CUX1: variants seen among roughly 807,000 people sequenced by gnomAD.
The protein encoded by CUX1 is protein CASP.
A neutral mutation model predicts 158.8 loss-of-function variants in CUX1; 31 were observed. That is an observed-to-expected ratio of 0.20 (90% CI 0.15 to 0.26). CUX1 has a LOEUF of 0.26. Ranked by LOEUF, CUX1 falls within the 10% of genes least tolerant of loss-of-function variation. CUX1 has a pLI of 1.00. For synonymous variants in CUX1, 879 were observed against 862.1 expected (o/e 1.02, Z -0.34); for missense variants, 1,589 against 2,014.6 (o/e 0.79, Z 4.04).
chr7:101,951,334 A>C (rs1031450873), intron 2 of CUX1, among the ~76,000 whole-genome samples: 1 of 152,064 alleles, frequency 6.6e-6, no homozygotes, highest in Admixed American at 6.5e-5. Context: ...CTGTCTCAAA[A>C]AAAAAAAAAA....
In CUX1 at chr7:102,255,452, A is replaced by G; in HGVS notation, c.*6410A>G. Reference sequence around the variant, plus strand: ...GACATTTGGCTATGCATAAATGTGCACTTCCCCCATGCCCCCGTTCTTAAA... The same window carrying G: ...GACATTTGGCTATGCATAAATGTGCGCTTCCCCCATGCCCCCGTTCTTAAA... On this transcript the variant is annotated 3_prime_UTR_variant, in exon 24 of 24. Coordinates refer to ENST00000292535, the MANE Select transcript of CUX1 (RefSeq NM_181552.4). The G allele has an allele frequency of 1.0e-6, 1 of 984,902 alleles. No individual in the cohort carries two copies. Among genetic ancestry groups the G allele is most frequent in the Non-Finnish European group, 1.2e-6 (1 of 829,852 alleles). The allele number at this position is 984,902 out of a possible 1,614,324, so 61.0% of individuals were successfully genotyped here.
intron 2 of CUX1, among the ~76,000 whole-genome samples, chr7:102,007,256 C>T (rs1340051782): frequency 6.6e-6 from 1 of 152,186 alleles, no homozygotes; most frequent in Non-Finnish European, 1.5e-5. Context: ...ATGGCCCTCT[C>T]TGACTTTGAA....
chr7:101,860,328 C>T (rs1281113271), intron 1 of CUX1, among the ~76,000 whole-genome samples: 2 of 152,210 alleles, frequency 1.3e-5, no homozygotes, highest in East Asian at 3.8e-4. Flanking sequence ...CCCCTGCCTA[C>T]TCCTGGAATT....
At chr7:101,823,412 A>C (rs1249296716) in intron 1 of CUX1, among the ~76,000 whole-genome samples, 3 of 152,250 alleles carry the variant, frequency 2.0e-5, no homozygotes, top group African/African-American at 7.2e-5. Context: ...ACCTTTGTGA[A>C]AATGAGCCCA....
chr7:102,138,006 T>G (rs1271325174), intron 8 of CUX1, among the ~76,000 whole-genome samples: 1 of 152,114 alleles, frequency 6.6e-6, no homozygotes, highest in Non-Finnish European at 1.5e-5. Context: ...GGCAACGTAG[T>G]GAGATCGTCT....
intron 2 of CUX1, among the ~76,000 whole-genome samples, chr7:101,923,031 G>T (rs559863883): frequency 3.9e-5 from 6 of 152,210 alleles, no homozygotes; most frequent in African/African-American, 9.6e-5. Context: ...GTCAAACTCC[G>T]ATTTCCCGCG....
chr7:102,211,497 T>C (rs1290171254), intron 20 of CUX1, among the ~76,000 whole-genome samples: 1 of 144,266 alleles, frequency 6.9e-6, no homozygotes, highest in Non-Finnish European at 1.5e-5. Flanking sequence ...AATCAGCTTT[T>C]CGGCTGGGCG....
chr7:102,176,753 T>G (rs907299706), intron 10 of CUX1, among the ~76,000 whole-genome samples: 14 of 151,544 alleles, frequency 9.2e-5, no homozygotes, highest in African/African-American at 3.1e-4. Flanking sequence ...TGTATTTTTT[T>G]GTAGAGATGG....
intron 10 of CUX1, among the ~76,000 whole-genome samples, chr7:102,177,413 CAA>C (rs1219318950): frequency 0.089 from 9,389 of 105,928 alleles, 416 homozygotes; most frequent in Middle Eastern, 0.14. Flanking sequence ...AACTCTATCT[CAA>C]AAAAAAAAAA....
chr7:102,151,604 T>C (rs1554503612), intron 8 of CUX1, among the ~76,000 whole-genome samples: 1 of 151,618 alleles, frequency 6.6e-6, no homozygotes, highest in Non-Finnish European at 1.5e-5. Flanking sequence ...GGTGTGCCTG[T>C]AATTCCAGCT....
At chr7:101,993,843 G>C (rs1033129553) in intron 2 of CUX1, among the ~76,000 whole-genome samples, 1 of 152,136 alleles carries the variant, frequency 6.6e-6, no homozygotes, top group African/African-American at 2.4e-5. Context: ...CATCCTCTGT[G>C]CTTTTCCCTG....
chr7:101,958,153 G>A (rs935926210), intron 2 of CUX1, among the ~76,000 whole-genome samples: 2 of 152,314 alleles, frequency 1.3e-5, no homozygotes, highest in African/African-American at 4.8e-5. Context: ...AGTGTGCAGA[G>A]TGCTAGGTGG....
Position 102,256,749 on chromosome 7 carries a change from A to T in CUX1, c.*7707A>T. The stretch of plus-strand genomic sequence containing the variant: ...AGCCTCTGGTAAGACTTCTGGGTTC[A>T]TGAAGTTTCGGCGAGCCGTGGTCAG... On this transcript the variant is annotated 3_prime_UTR_variant, in exon 24 of 24. Coordinates refer to ENST00000292535, the MANE Select transcript of CUX1 (RefSeq NM_181552.4). 1.0e-6 allele frequency: 1 copy of T among 985,466 alleles called. No individual in the cohort carries two copies. Among genetic ancestry groups the T allele is most frequent in the Non-Finnish European group, 1.2e-6 (1 of 829,956 alleles). The allele number at this position is 985,466 out of a possible 1,614,324, so 61.0% of individuals were successfully genotyped here.
At position 102,248,626 on chromosome 7, in the gene CUX1, C is replaced by A. The variant is rs1554537955; in HGVS notation, c.4102C>A (p.Arg1368=). Residue 1368 remains arginine (R), a synonymous_variant, in exon 24 of 24, where the codon CGG becomes AGG. Coordinates refer to ENST00000292535, the MANE Select transcript of CUX1 (RefSeq NM_181552.4). This position sits in a 1 kb window ranked among gnomAD's most constrained non-coding sequence, Gnocchi z 5.8. ...QGEAEREEVP[R]PAEQTEPPPS... is the part of the protein sequence containing the mutation. ...AGAGGCCGAGCGGGAGGAGGTGCCGCGGCCGGCGGAGCAGACGGAGCCGCC... is the reference window on the plus strand; with the variant it reads ...AGAGGCCGAGCGGGAGGAGGTGCCGAGGCCGGCGGAGCAGACGGAGCCGCC... 1 of 1,424,496 alleles carries A rather than the reference C, an allele frequency of 7.0e-7. No individual in the cohort carries two copies. The highest frequency in any genetic ancestry group is 9.1e-7 in the Non-Finnish European group (1 of 1,093,904). The allele number at this position is 1,424,496 out of a possible 1,614,324, so 88.2% of individuals were successfully genotyped here. A position where few individuals can be genotyped will look rare whatever the true frequency, so the allele number is the denominator to read the frequency against.
At chr7:102,020,939 C>G (rs956502752) in intron 2 of CUX1, among the ~76,000 whole-genome samples, 2 of 151,268 alleles carry the variant, frequency 1.3e-5, no homozygotes, top group Non-Finnish European at 2.9e-5. Flanking sequence ...AGGGGAGAGG[C>G]AAGAGCGGAG....
intron 2 of CUX1, among the ~76,000 whole-genome samples, chr7:101,945,768 AGACGTGTCTGCTGT>A (rs1217684211): frequency 3.9e-5 from 6 of 152,332 alleles, no homozygotes; most frequent in African/African-American, 1.4e-4. Context: ...TCAGGGAGCC[AGACGTGTCTGCTGT>A]CCCAAACCTC....
intron 7 of CUX1, among the ~76,000 whole-genome samples, chr7:102,113,160 T>G (rs1050810452): frequency 8.5e-5 from 13 of 152,050 alleles, no homozygotes; most frequent in East Asian, 3.9e-4. Flanking sequence ...AAATGCAAAG[T>G]TTTTTTTACA....
intron 9 of CUX1, 93 bp downstream of exon 9, chr7:102,158,701 G>A: frequency 8.3e-7 from 1 of 1,205,278 alleles, no homozygotes; most frequent in Non-Finnish European, 1.2e-6. Flanking sequence ...TAGAAGGCCG[G>A]TTATCCTTCC....
chr7:101,998,593 C>T lies in CUX1; in HGVS notation c.142-29505C>T, dbSNP rs563283783. Among the ~76,000 whole-genome samples the T allele has an allele frequency of 1.2e-4, 18 of 152,232 alleles. No homozygotes were observed. The South Asian group carries it at 1.9e-3, about 16-fold the overall frequency. ...TAGTATTTCCACACCCCACTCAGGG[C>T]GATAGCGTTTGAGGAAGAAGAGAAA... On this transcript the variant is annotated intron_variant, in intron 2 of 23. Transcript: ENST00000292535.
Sources: gnomAD v4.1 joint callset for allele counts (sites outside exome capture counted in the v4.1 genomes callset) on GRCh38, gnomAD v4.1.1 for gene constraint, Gnocchi (gnomAD v3.1) non-coding constraint, MANE v1.5 for transcripts, NCBI Gene and HGNC (gene_info 2026-07-23, HGNC 2026-07-21) for gene names.